STEAP2: variants seen among roughly 807,000 people sequenced by gnomAD.
The protein encoded by STEAP2 is STEAP2 metalloreductase.
In STEAP2, 30 loss-of-function variants were observed where a neutral mutation model predicts 46.4. That is an observed-to-expected ratio of 0.65 (90% confidence interval 0.48 to 0.88). STEAP2 has a LOEUF of 0.88. Among genes scored for constraint, STEAP2 ranks in the 40% least tolerant of loss-of-function variants. STEAP2 has a pLI of 0.00. For missense variants in STEAP2, 513 were observed against 579.3 expected (o/e 0.89, Z 1.18); for synonymous variants, 180 against 200.5 (o/e 0.90, Z 0.86).
In STEAP2 at chr7:90,233,567, A is replaced by T; in HGVS notation, c.*943A>T. 1.0e-6 allele frequency: 1 copy of T among 970,228 alleles called. No individual in the cohort carries two copies. Among genetic ancestry groups the T allele is most frequent in the Non-Finnish European group, 1.2e-6 (1 of 816,100 alleles). The allele number at this position is 970,228 out of a possible 1,614,324, so 60.1% of individuals were successfully genotyped here. ...TTCTGATGTGCTAGGCATGGTTCTA[A>T]GTACTTTACTTGTATTATCCCATTT... On this transcript the variant is annotated 3_prime_UTR_variant, in exon 6 of 6. Transcript: ENST00000394621.
Position 90,227,208 on chromosome 7 carries a change from C to T in STEAP2, c.730C>T (p.Gln244Ter), listed in dbSNP as rs749141030. The T allele has an allele frequency of 6.2e-7, 1 of 1,613,684 alleles. No individual in the cohort carries two copies. The highest frequency in any genetic ancestry group is 1.3e-5 in the African/African-American group (1 of 74,890). Residue 244 changes from glutamine (Q) to a stop codon, truncating the protein, a stop_gained, in exon 4 of 6, where the codon CAG (glutamine) becomes TAG (stop). Coordinates refer to ENST00000394621, the MANE Select transcript of STEAP2 (RefSeq NM_001244944.2). LOFTEE classifies it high-confidence loss of function. ...DVIHPYARNQQSDFYKIPIEI... is the reference protein window; with the variant it reads ...DVIHPYARNQ ...GATTCATCCATATGCTAGAAACCAA[C>T]AGAGTGACTTTTACAAAATTCCTAT...
At position 90,232,411 on chromosome 7, in the gene STEAP2, G is replaced by A; in HGVS notation, c.1260G>A (p.Glu420=). 1 of 1,613,342 alleles carries A rather than the reference G, an allele frequency of 6.2e-7. No individual in the cohort carries two copies. Among genetic ancestry groups the A allele is most frequent in the Admixed American group, 1.7e-5 (1 of 59,966 alleles). The change falls in exon 6 of 6, where the codon GAG becomes GAA. Residue 420 remains glutamate (E), a synonymous_variant. Coordinates refer to ENST00000394621, the MANE Select transcript of STEAP2 (RefSeq NM_001244944.2). ...TTTATGGATGGAAACGAGCTTTTGA[G>A]GAAGAGTACTACAGATTTTATACAC... The part of the protein sequence containing the change: ...VLIYGWKRAF[E]EEYYRFYTPP...
downstream of STEAP2, among the ~76,000 whole-genome samples, chr7:90,240,478 A>G (rs1461358780): frequency 6.6e-6 from 1 of 152,164 alleles, no homozygotes; most frequent in Non-Finnish European, 1.5e-5. The surrounding 1 kb of genome is among the most constrained non-coding windows in gnomAD (Gnocchi z 4.1). Flanking sequence ...GGCATTAGAG[A>G]CTATAAAATT....
Position 90,234,777 on chromosome 7 carries a change from T to A in STEAP2, c.*2153T>A. 1 of 654,364 alleles carries A rather than the reference T, an allele frequency of 1.5e-6. No homozygotes were observed. The highest frequency in any genetic ancestry group is 6.9e-5 in the South Asian group (1 of 14,540). 40.5% of individuals were successfully genotyped at this position (654,364 alleles called of 1,614,324 possible). A position where few individuals can be genotyped will look rare whatever the true frequency, so the allele number is the denominator to read the frequency against. On this transcript the variant is annotated 3_prime_UTR_variant, in exon 6 of 6. Coordinates refer to ENST00000394621, the MANE Select transcript of STEAP2 (RefSeq NM_001244944.2). ...ACCGTGTTAGCCAGGATGGTCTCGA[T>A]CTCCTGACCTCGTGATCCGCCCGCC...
chr7:90,227,586 T>A, intron 4 of STEAP2, 88 bp downstream of exon 4: 1 of 1,270,456 alleles, frequency 7.9e-7, no homozygotes, highest in Non-Finnish European at 1.0e-6. Flanking sequence ...ACATGCCCTG[T>A]AATGGAAATT....
At chr7:90,215,545 T>C (rs1670196747) in intron 1 of STEAP2, 1 of 152,226 alleles carries the variant, frequency 6.6e-6, no homozygotes, top group African/African-American at 2.4e-5. Flanking sequence ...ACTTTTAGAT[T>C]GAGCTCCCGA....
At position 90,233,304 on chromosome 7, in the gene STEAP2, T is replaced by C. The variant is rs1228361769; in HGVS notation, c.*680T>C. ...TCATGAAAGATTTTATTCTTTATTG[T>C]GTTACAGAGCAGTTTCATTTTCATA... On this transcript the variant is annotated 3_prime_UTR_variant, in exon 6 of 6. Coordinates refer to ENST00000394621, the MANE Select transcript of STEAP2 (RefSeq NM_001244944.2). 1 of 971,930 alleles carries C rather than the reference T, an allele frequency of 1.0e-6. No individual in the cohort carries two copies. Among genetic ancestry groups the C allele is most frequent in the Non-Finnish European group, 1.2e-6 (1 of 817,926 alleles). The allele number at this position is 971,930 out of a possible 1,614,324, so 60.2% of individuals were successfully genotyped here.
At chr7:90,226,946 C>T (rs778130504) in intron 3 of STEAP2, 25 bp from the exon 4 acceptor site, 11 of 1,540,244 alleles carry the variant, frequency 7.1e-6, no homozygotes, top group Non-Finnish European at 8.7e-6. Flanking sequence ...AATGGTAATG[C>T]TGAGTCTTTT....
rs1354494224 is a variant in STEAP2, at chr7:90,236,110, AT to A, written c.*3487del. 21 of 639,256 alleles carry A rather than the reference AT, an allele frequency of 3.3e-5. No individual in the cohort carries two copies. The highest frequency in any genetic ancestry group is 3.9e-5 in the Non-Finnish European group (20 of 515,058). 39.6% of individuals were successfully genotyped at this position (639,256 alleles called of 1,614,324 possible). On this transcript the variant is annotated 3_prime_UTR_variant, in exon 6 of 6. Coordinates refer to ENST00000394621, the MANE Select transcript of STEAP2 (RefSeq NM_001244944.2). The stretch of plus-strand genomic sequence containing the variant: ...ATCCAATTTTTAAATATTTTAATAT[AT>A]CTCCTATCTGATAACTTAATTCTTC...
chr7:90,231,587 T>G (rs1488558323), intron 5 of STEAP2, among the ~76,000 whole-genome samples: 2 of 149,270 alleles, frequency 1.3e-5, no homozygotes, highest in African/African-American at 2.4e-5. Flanking sequence ...AACACAATGG[T>G]AAATATTTGT....
In STEAP2 at chr7:90,233,918, GT is replaced by G. The variant is rs1427527106; in HGVS notation, c.*1295del. The G allele has an allele frequency of 1.0e-6, 1 of 985,150 alleles. No individual in the cohort carries two copies. The highest frequency in any genetic ancestry group is 1.2e-6 in the Non-Finnish European group (1 of 829,862). 61.0% of individuals were successfully genotyped at this position (985,150 alleles called of 1,614,324 possible). ...TAATAAACTTATTACTGCTTGTAGG[GT>G]AATTCACAGTTACTTACCCTATTCT... On this transcript the variant is annotated 3_prime_UTR_variant, in exon 6 of 6. Coordinates refer to ENST00000394621, the MANE Select transcript of STEAP2 (RefSeq NM_001244944.2).
At chr7:90,221,859 G>T (rs1389682121) in intron 2 of STEAP2, among the ~76,000 whole-genome samples, 1 of 152,198 alleles carries the variant, frequency 6.6e-6, no homozygotes. Flanking sequence ...TTACAGAAGG[G>T]ATTTGAACTT....
Position 90,232,373 on chromosome 7 carries a change from T to C in STEAP2, c.1222T>C (p.Phe408Leu), listed in dbSNP as rs1458875837. The change falls in exon 6 of 6, where the codon TTC becomes CTC. Residue 408 changes from phenylalanine (F) to leucine (L), a missense_variant. By Grantham distance (22) the Phe-to-Leu change is conservative (BLOSUM62 0). Transcript: ENST00000394621. The part of the protein sequence containing the change: ...LGYVALLIST[F>L]HVLIYGWKRA... ...ATATGTCGCTCTGCTCATAAGTACT[T>C]TCCATGTTTTAATTTATGGATGGAA... is the stretch of plus-strand genomic sequence containing the variant. 2 of 1,613,114 alleles carry C rather than the reference T, an allele frequency of 1.2e-6. No homozygotes were observed. Among genetic ancestry groups the C allele is most frequent in the East Asian group, 2.2e-5 (1 of 44,864 alleles).
Position 90,225,516 on chromosome 7 carries a change from G to T in STEAP2, c.434G>T (p.Gly145Val). ...TTCCCAGATTCTTTGATTGTCAAAG[G>T]ATTTAATGTTGTCTCAGCTTGGGCA... is the stretch of plus-strand genomic sequence containing the variant. ...SLFPDSLIVK[G>V]FNVVSAWALQ... The change falls in exon 3 of 6, where the codon GGA (glycine) becomes GTA (valine). Residue 145 changes from glycine (G) to valine (V), a missense_variant. Physicochemically the swap from Gly to Val is moderately radical, Grantham distance 109 (BLOSUM62 -3). Transcript: ENST00000394621. The T allele has an allele frequency of 6.2e-7, 1 of 1,613,444 alleles. No homozygotes were observed. Among genetic ancestry groups the T allele is most frequent in the Non-Finnish European group, 8.5e-7 (1 of 1,179,746 alleles).
At chr7:90,240,710 A>G (rs1796050399), downstream of STEAP2, among the ~76,000 whole-genome samples, 1 of 152,186 alleles carries the variant, frequency 6.6e-6, no homozygotes, top group Non-Finnish European at 1.5e-5. This position sits in a 1 kb window ranked among gnomAD's most constrained non-coding sequence, Gnocchi z 4.1. Flanking sequence ...GTAAGTCAAT[A>G]TATTATTAAA....
rs194504 is a variant in STEAP2, at chr7:90,211,904, G to A, written c.-288G>A. The A allele has an allele frequency of 0.74, 112,331 of 152,324 alleles. 42,064 individuals are homozygous for A. Among genetic ancestry groups the A allele is most frequent in the Middle Eastern group, 0.77 (229 of 298 alleles). The allele number at this position is 152,324 out of a possible 1,614,324, so 9.4% of individuals were successfully genotyped here. On this transcript the variant is annotated 5_prime_UTR_variant, in exon 1 of 6. Coordinates refer to ENST00000394621, the MANE Select transcript of STEAP2 (RefSeq NM_001244944.2). ...GGGAAGCAGCTGGAGTGCGACCGCC[G>A]CGGCAGCCACCCTGCAACCGCCAGT...
At position 90,227,516 on chromosome 7, in the gene STEAP2, TA is replaced by T. The variant is rs775455576; in HGVS notation, c.1020+19del. On this transcript the variant is annotated intron_variant, in intron 4 of 5. Coordinates refer to ENST00000394621, the MANE Select transcript of STEAP2 (RefSeq NM_001244944.2). ...ATCAGCAGGTACTGAATGTGCTTGT[TA>T]TTTATCTGATGCTAGTAAAATACTT... 1 of 1,518,930 alleles carries T rather than the reference TA, an allele frequency of 6.6e-7. No homozygotes were observed. Among genetic ancestry groups the T allele is most frequent in the Admixed American group, 2.2e-5 (1 of 45,892 alleles). The allele number at this position is 1,518,930 out of a possible 1,614,324, so 94.1% of individuals were successfully genotyped here. A position where few individuals can be genotyped will look rare whatever the true frequency, so the allele number is the denominator to read the frequency against.
intron 3 of STEAP2, among the ~76,000 whole-genome samples, chr7:90,225,924 T>A (rs1238151498): frequency 6.6e-6 from 1 of 152,252 alleles, no homozygotes; most frequent in Non-Finnish European, 1.5e-5. Context: ...TAAGCATGAT[T>A]ATAAAACACT....
At chr7:90,228,365 CT>C (rs1795587351) in intron 4 of STEAP2, among the ~76,000 whole-genome samples, 1 of 150,862 alleles carries the variant, frequency 6.6e-6, no homozygotes, top group Non-Finnish European at 1.5e-5. Flanking sequence ...TAATATTTTT[CT>C]AATTAGTAGA....
Sources: gnomAD v4.1 joint callset for allele counts (sites outside exome capture counted in the v4.1 genomes callset) on GRCh38, gnomAD v4.1.1 for gene constraint, Gnocchi (gnomAD v3.1) non-coding constraint, MANE v1.5 for transcripts, NCBI Gene and HGNC (gene_info 2026-07-23, HGNC 2026-07-21) for gene names.